Variants in NAALADL2 observed in about 807,000 individuals in gnomAD.
The protein encoded by NAALADL2 is inactive N-acetylated-alpha-linked acidic dipeptidase-like protein 2.
Under a neutral mutation model 87.2 loss-of-function variants are expected in NAALADL2, and 76 were observed. The observed-to-expected ratio is 0.87, with a 90% CI of 0.72 to 1.05. The LOEUF is 1.05. Ranked by LOEUF, NAALADL2 falls within the 50% of genes least tolerant of loss-of-function variation. NAALADL2 has a pLI of 0.00. For synonymous variants in NAALADL2, 354 were observed against 331.0 expected (o/e 1.07, Z -0.75); for missense variants, 1,089 against 945.8 (o/e 1.15, Z -1.99).
At chr3:175,736,618 A>G (rs759991873) in intron 11 of NAALADL2, among the ~76,000 whole-genome samples, 2 of 152,244 alleles carry the variant, frequency 1.3e-5, no homozygotes, top group African/African-American at 4.8e-5. Flanking sequence ...ATCAACATAC[A>G]GGTTAAAATG....
At chr3:174,638,961 T>C (rs184013087) in intron 2 of NAALADL2, among the ~76,000 whole-genome samples, 30 of 152,346 alleles carry the variant, frequency 2.0e-4, no homozygotes, top group African/African-American at 7.2e-4. Flanking sequence ...CACAAGCATG[T>C]CTTTCTAGAT....
chr3:174,546,109 G>A (rs961829796), intron 1 of NAALADL2, among the ~76,000 whole-genome samples: 2 of 151,918 alleles, frequency 1.3e-5, no homozygotes, highest in Admixed American at 1.3e-4. Flanking sequence ...CTACCTGTTA[G>A]GTAGGATTTG....
At chr3:174,927,758 A>G (rs993234966) in intron 1 of NAALADL2, among the ~76,000 whole-genome samples, 1 of 152,244 alleles carries the variant, frequency 6.6e-6, no homozygotes, top group Non-Finnish European at 1.5e-5. Context: ...AGAAAGCAGG[A>G]AAGATCTAAA....
At chr3:175,569,549 A>T (rs955714757) in intron 9 of NAALADL2, among the ~76,000 whole-genome samples, 2 of 152,142 alleles carry the variant, frequency 1.3e-5, no homozygotes, top group African/African-American at 4.8e-5. Flanking sequence ...TTTGGAAAGT[A>T]CATAGGTCAT....
intron 1 of NAALADL2, among the ~76,000 whole-genome samples, chr3:174,883,824 C>T (rs997024934): frequency 6.6e-6 from 1 of 152,094 alleles, no homozygotes; most frequent in African/African-American, 2.4e-5. Context: ...TTTTGTAGTC[C>T]TGTCTGGATT....
intron 1 of NAALADL2, among the ~76,000 whole-genome samples, chr3:174,993,409 C>T (rs763639406): frequency 8.6e-5 from 13 of 152,024 alleles, no homozygotes; most frequent in Non-Finnish European, 1.6e-4. Flanking sequence ...TACCTGTACT[C>T]ATGGAGCCTC....
At chr3:174,530,557 A>G (rs907663900) in intron 1 of NAALADL2, among the ~76,000 whole-genome samples, 1 of 152,218 alleles carries the variant, frequency 6.6e-6, no homozygotes, top group African/African-American at 2.4e-5. Flanking sequence ...TGGGCAATTT[A>G]CAAAAGAAAG....
chr3:175,752,213 C>A (rs1246028709), intron 12 of NAALADL2, among the ~76,000 whole-genome samples: 1 of 151,872 alleles, frequency 6.6e-6, no homozygotes, highest in East Asian at 1.9e-4. Context: ...GGGTTCTTTC[C>A]AATCAGAAAG....
At chr3:174,958,152 C>A (rs1251593002) in intron 1 of NAALADL2, among the ~76,000 whole-genome samples, 1 of 144,664 alleles carries the variant, frequency 6.9e-6, no homozygotes, top group African/African-American at 2.6e-5. Context: ...TTTTCAGTTT[C>A]TTTATTCCTT....
chr3:175,306,057 T>C (rs1757682324), intron 4 of NAALADL2, among the ~76,000 whole-genome samples: 1 of 152,110 alleles, frequency 6.6e-6, no homozygotes, highest in African/African-American at 2.4e-5. Flanking sequence ...ATAATTTATC[T>C]ATTTTCTTTT....
chr3:175,245,056 C>A (rs911001493), intron 3 of NAALADL2, among the ~76,000 whole-genome samples: 1 of 152,120 alleles, frequency 6.6e-6, no homozygotes, highest in Admixed American at 6.6e-5. Flanking sequence ...TACCCTCTTT[C>A]TTGGACTTCC....
intron 5 of NAALADL2, among the ~76,000 whole-genome samples, chr3:175,341,597 A>G (rs1261573435): frequency 2.0e-5 from 3 of 152,118 alleles, no homozygotes; most frequent in Non-Finnish European, 4.4e-5. Context: ...TTTTCTATAG[A>G]GGATGCACTG....
intron 2 of NAALADL2, among the ~76,000 whole-genome samples, chr3:174,678,048 G>A (rs1727206276): frequency 6.6e-6 from 1 of 152,112 alleles, no homozygotes; most frequent in African/African-American, 2.4e-5. Flanking sequence ...GCACACATCT[G>A]TGAATAATGG....
intron 9 of NAALADL2, among the ~76,000 whole-genome samples, chr3:175,530,886 A>G (rs1404692645): frequency 2.0e-5 from 3 of 152,198 alleles, no homozygotes; most frequent in African/African-American, 7.2e-5. Context: ...GATGACCCAT[A>G]GTCAAACATT....
chr3:175,375,047 C>T (rs2148963797), intron 5 of NAALADL2, among the ~76,000 whole-genome samples: 1 of 152,088 alleles, frequency 6.6e-6, no homozygotes, highest in Admixed American at 6.5e-5. Context: ...TCTTACTTTT[C>T]TTATTGATTT....
intron 4 of NAALADL2, among the ~76,000 whole-genome samples, chr3:175,274,026 T>C (rs529450866): frequency 5.8e-4 from 89 of 152,296 alleles, no homozygotes; most frequent in African/African-American, 2.1e-3. Context: ...AATAATAGCA[T>C]ATAATTTTGT....
chr3:175,631,450 C>CTT (rs34282283), intron 11 of NAALADL2, among the ~76,000 whole-genome samples: 37 of 139,052 alleles, frequency 2.7e-4, no homozygotes, highest in Admixed American at 5.0e-4. Flanking sequence ...CCCTGTAGTT[C>CTT]TTTTTTTTTT....
At chr3:175,457,337 A>G (rs1368935944) in intron 6 of NAALADL2, among the ~76,000 whole-genome samples, 1 of 152,052 alleles carries the variant, frequency 6.6e-6, no homozygotes, top group East Asian at 1.9e-4. Flanking sequence ...TCACTTGATT[A>G]AGGTGGTGGC....
intron 9 of NAALADL2, among the ~76,000 whole-genome samples, chr3:175,518,568 G>A (rs1229422051): frequency 1.3e-5 from 2 of 152,128 alleles, no homozygotes; most frequent in African/African-American, 4.8e-5. Context: ...AAGGTCATAG[G>A]GCCCCATCTG....
Sources: gnomAD v4.1 joint callset for allele counts (sites outside exome capture counted in the v4.1 genomes callset) on GRCh38, gnomAD v4.1.1 for gene constraint, MANE v1.5 for transcripts, NCBI Gene and HGNC (gene_info 2026-07-23, HGNC 2026-07-21) for gene names.